The following EXOC6B variants were observed in gnomAD, a reference collection of about 807,000 sequenced individuals.
EXOC6B encodes SEC15 homolog B.
In EXOC6B, 54 loss-of-function variants were observed where a neutral mutation model predicts 113.5. The ratio of observed to expected loss-of-function variants is 0.48; its 90% CI spans 0.38 to 0.60. The LOEUF (loss-of-function observed/expected upper bound fraction) is 0.60. EXOC6B is among the 20% of genes least tolerant of loss of function. The probability of loss-of-function intolerance (pLI) is 0.00; values close to 1 mark genes in which losing one functional copy is unlikely to be tolerated. For synonymous variants in EXOC6B, 357 were observed against 339.0 expected (o/e 1.05, Z -0.58); for missense variants, 797 against 977.5 (o/e 0.82, Z 2.46).
At chr2:72,407,086 C>T (rs566377297) in intron 18 of EXOC6B, among the ~76,000 whole-genome samples, 26 of 152,324 alleles carry the variant, frequency 1.7e-4, no homozygotes, top group Admixed American at 5.2e-4. Context: ...ACTATAAACA[C>T]CTCTATGCAG....
chr2:72,438,170 A>C (rs1389713852), intron 18 of EXOC6B, among the ~76,000 whole-genome samples: 1 of 152,212 alleles, frequency 6.6e-6, no homozygotes, highest in East Asian at 1.9e-4. Context: ...ATGCAAAGGA[A>C]ACAATTAAAT....
chr2:72,278,863 C>T (rs1684954685), intron 20 of EXOC6B, among the ~76,000 whole-genome samples: 1 of 152,094 alleles, frequency 6.6e-6, no homozygotes, highest in Non-Finnish European at 1.5e-5. Flanking sequence ...AAGTAAATTG[C>T]CACAATTTTG....
At chr2:72,784,706 C>G (rs1405605990) in intron 1 of EXOC6B, among the ~76,000 whole-genome samples, 4 of 152,174 alleles carry the variant, frequency 2.6e-5, no homozygotes, top group Non-Finnish European at 5.9e-5. Context: ...TTACCTCCTC[C>G]TGGGTTCCTC....
intron 6 of EXOC6B, among the ~76,000 whole-genome samples, chr2:72,683,477 C>A (rs987171472): frequency 2.6e-5 from 4 of 151,884 alleles, no homozygotes; most frequent in Non-Finnish European, 5.9e-5. Context: ...GCCCATTTTT[C>A]CAAATATATA....
At chr2:72,483,616 A>T (rs1327270982) in intron 16 of EXOC6B, among the ~76,000 whole-genome samples, 1 of 152,178 alleles carries the variant, frequency 6.6e-6, no homozygotes, top group African/African-American at 2.4e-5. Flanking sequence ...AGAATAGACT[A>T]TTGAGACACT....
intron 18 of EXOC6B, among the ~76,000 whole-genome samples, chr2:72,449,273 C>T (rs1696770849): frequency 6.6e-6 from 1 of 151,838 alleles, no homozygotes; most frequent in African/African-American, 2.4e-5. Flanking sequence ...AGCTCTGCCT[C>T]CTGAGTTCAC....
chr2:72,640,002 T>A (rs1673113616), intron 6 of EXOC6B, among the ~76,000 whole-genome samples: 1 of 152,168 alleles, frequency 6.6e-6, no homozygotes, highest in Admixed American at 6.5e-5. Context: ...AAGCGAGGGT[T>A]CTGATCGGGG....
At chr2:72,381,415 AGT>A (rs1464426017) in intron 18 of EXOC6B, among the ~76,000 whole-genome samples, 4 of 152,100 alleles carry the variant, frequency 2.6e-5, no homozygotes, top group African/African-American at 9.7e-5. Context: ...TTATAAACAG[AGT>A]AAGTCAGTTC....
At chr2:72,735,793 C>T (rs1016619135) in intron 2 of EXOC6B, among the ~76,000 whole-genome samples, 3 of 151,884 alleles carry the variant, frequency 2.0e-5, no homozygotes, top group Non-Finnish European at 1.5e-5. Context: ...CAAGATCGTG[C>T]CACTTCACTC....
At chr2:72,576,992 A>G (rs898380715) in intron 6 of EXOC6B, among the ~76,000 whole-genome samples, 2 of 152,114 alleles carry the variant, frequency 1.3e-5, no homozygotes, top group South Asian at 4.1e-4. Context: ...AGATAAATAT[A>G]AAGTATAAAA....
intron 19 of EXOC6B, among the ~76,000 whole-genome samples, chr2:72,369,739 C>T (rs539272835): frequency 5.9e-5 from 9 of 152,238 alleles, no homozygotes; most frequent in South Asian, 2.1e-4. Context: ...TTTGACAAAC[C>T]TGACAAAAGC....
intron 6 of EXOC6B, among the ~76,000 whole-genome samples, chr2:72,584,074 A>G (rs945274833): frequency 6.6e-6 from 1 of 152,118 alleles, no homozygotes; most frequent in Non-Finnish European, 1.5e-5. Flanking sequence ...TGCTACCACA[A>G]AAGTATACTT....
chr2:72,817,877 C>T (rs1395892538), intron 1 of EXOC6B, among the ~76,000 whole-genome samples: 2 of 152,218 alleles, frequency 1.3e-5, no homozygotes, highest in Non-Finnish European at 2.9e-5. Context: ...TCTCTTGCCT[C>T]TTATTACTGC....
chr2:72,247,162 C>T (rs997832486), intron 20 of EXOC6B, among the ~76,000 whole-genome samples: 1 of 152,140 alleles, frequency 6.6e-6, no homozygotes, highest in Admixed American at 6.5e-5. Flanking sequence ...AATAATCTTT[C>T]TGATAAATGT....
chr2:72,744,840 T>C (rs1681593841), intron 1 of EXOC6B, among the ~76,000 whole-genome samples: 1 of 151,828 alleles, frequency 6.6e-6, no homozygotes, highest in South Asian at 2.1e-4. Flanking sequence ...TAATAATGCC[T>C]CCCTAGGCTC....
At position 72,700,480 on chromosome 2, in the gene EXOC6B, G is replaced by C. The variant is rs1176917496; in HGVS notation, c.669+17623C>G. The stretch of plus-strand genomic sequence containing the variant: ...TTTTCTTCTCTGCTTAGAGGTTACA[G>C]TGAGTTCCTCAACACATATATAAAA... On this transcript the variant is annotated intron_variant, in intron 6 of 21. Coordinates refer to ENST00000272427, the MANE Select transcript of EXOC6B (RefSeq NM_015189.3). 3.9e-5 allele frequency among the ~76,000 whole-genome samples: 6 copies of C among 152,158 alleles called. No individual in the cohort carries two copies. The South Asian group carries it at 1.2e-3, about 31-fold the overall frequency.
intron 7 of EXOC6B, among the ~76,000 whole-genome samples, chr2:72,567,668 T>C (rs1704266072): frequency 1.3e-5 from 2 of 152,126 alleles, no homozygotes; most frequent in African/African-American, 4.8e-5. Flanking sequence ...GGGCAGAACC[T>C]GGAGTTTCTT....
At chr2:72,422,506 C>A (rs1694952195) in intron 18 of EXOC6B, among the ~76,000 whole-genome samples, 1 of 151,004 alleles carries the variant, frequency 6.6e-6, no homozygotes, top group Non-Finnish European at 1.5e-5. Flanking sequence ...TTTGTGAGTG[C>A]ACCAATCGAC....
chr2:72,423,513 C>G (rs1379207505), intron 18 of EXOC6B, among the ~76,000 whole-genome samples: 2 of 152,094 alleles, frequency 1.3e-5, no homozygotes, highest in African/African-American at 4.8e-5. Context: ...AAATTGTTCT[C>G]TAGTTAAGTT....
Sources: gnomAD v4.1 joint callset for allele counts (sites outside exome capture counted in the v4.1 genomes callset) on GRCh38, gnomAD v4.1.1 for gene constraint, MANE v1.5 for transcripts, NCBI Gene and HGNC (gene_info 2026-07-23, HGNC 2026-07-21) for gene names.